EPG5: variants seen among roughly 807,000 people sequenced by gnomAD.
EPG5 encodes the protein ectopic P-granules 5 autophagy tethering factor.
EPG5 carries 159 observed loss-of-function variants against 302.7 expected under a neutral mutation model. The observed-to-expected ratio is 0.53, with a 90% CI of 0.46 to 0.60. EPG5 has a LOEUF of 0.60. EPG5 is among the 20% of genes least tolerant of loss of function. The pLI is 0.00. For synonymous variants in EPG5, 1,158 were observed against 1,136.8 expected (o/e 1.02, Z -0.37); for missense variants, 2,896 against 3,092.4 (o/e 0.94, Z 1.51).
chr18:45,855,832 AT>A, intron 42 of EPG5, 145 bp from the exon 43 acceptor site: 3 of 613,166 alleles, frequency 4.9e-6, no homozygotes, highest in Non-Finnish European at 8.8e-6. Context: ...AATCTTAAAT[AT>A]GATCAAGAAG....
chr18:45,873,471 C>T (rs1228359113), intron 35 of EPG5, among the ~76,000 whole-genome samples: 4 of 151,226 alleles, frequency 2.6e-5, no homozygotes, highest in Non-Finnish European at 4.4e-5. Context: ...GATCCTGCCA[C>T]TGCACTCCAG....
intron 39 of EPG5, among the ~76,000 whole-genome samples, 166 bp from the exon 40 acceptor site, chr18:45,860,512 G>T (rs1229995404): frequency 6.6e-6 from 1 of 152,230 alleles, no homozygotes; most frequent in African/African-American, 2.4e-5. Flanking sequence ...TGTTAAGTTT[G>T]TACAGGTAGT....
rs1274073919 is a variant in EPG5 at position 45,852,615 on chromosome 18, T to C, written c.7592A>G (p.Lys2531Arg). ...LNALESMASSKQYVEYQDQIL... is the reference protein window; with the variant it reads ...LNALESMASSRQYVEYQDQIL... Reference sequence around the variant, plus strand: ...TTGATCCTGGTATTCAACATACTGCTTACTTGATGCCATGGATTCAAGAGC... The same window carrying C: ...TTGATCCTGGTATTCAACATACTGCCTACTTGATGCCATGGATTCAAGAGC... Residue 2531 changes from lysine (K) to arginine (R), a missense_variant, in exon 44 of 44, where the codon AAG (lysine) becomes AGG (arginine). By Grantham distance (26) the Lys-to-Arg change is conservative (BLOSUM62 2). Around this residue, in one of 5 missense-constraint regions of EPG5, gnomAD observed 620 missense variants for 704.2 expected, o/e 0.88. Coordinates refer to ENST00000282041, the MANE Select transcript of EPG5 (RefSeq NM_020964.3). The C allele has an allele frequency of 1.2e-6, 2 of 1,614,184 alleles. No homozygotes were observed.
At position 45,955,661 on chromosome 18, in the gene EPG5, G is replaced by A. The variant is rs74498242; in HGVS notation, c.64-323C>T. Among the ~76,000 whole-genome samples the A allele has an allele frequency of 0.12, 18,516 of 152,078 alleles. 1,591 individuals are homozygous for A. Among genetic ancestry groups the A allele is most frequent in the East Asian group, 0.29 (1,497 of 5,172 alleles). On this transcript the variant is annotated intron_variant, in intron 1 of 43. Coordinates refer to ENST00000282041, the MANE Select transcript of EPG5 (RefSeq NM_020964.3). ...ATTAGATTGTACACCATTTTGCCAG[G>A]GGTTAAGTTAAATAGATCAGTCTCT...
At chr18:45,824,648 G>A in the EPG5 span, among the ~76,000 whole-genome samples, 1 of 152,220 alleles carries the variant, frequency 6.6e-6, no homozygotes, top group African/African-American at 2.4e-5. Context: ...CCTGAGCCAA[G>A]GCACGGCCAA....
chr18:45,940,253 G>A (rs2050633239), intron 9 of EPG5, among the ~76,000 whole-genome samples: 1 of 152,244 alleles, frequency 6.6e-6, no homozygotes, highest in South Asian at 2.1e-4. Flanking sequence ...CCAATGTGCT[G>A]AGAGGTAGAC....
At chr18:45,932,821 C>T (rs2050425200) in intron 11 of EPG5, among the ~76,000 whole-genome samples, 3 of 152,070 alleles carry the variant, frequency 2.0e-5, no homozygotes, top group Admixed American at 2.0e-4. Context: ...GATAAAAGTG[C>T]CGTGGAAGCC....
At chr18:45,825,147 G>T in the EPG5 span, among the ~76,000 whole-genome samples, 2 of 132,002 alleles carry the variant, frequency 1.5e-5, no homozygotes, top group Non-Finnish European at 1.6e-5. Context: ...GGGAGGGAGG[G>T]AGGGAAGGAA....
intron 30 of EPG5, among the ~76,000 whole-genome samples, 196 bp downstream of exon 30, chr18:45,884,421 G>A (rs916630184): frequency 1.3e-5 from 2 of 152,150 alleles, no homozygotes; most frequent in Non-Finnish European, 2.9e-5. Flanking sequence ...TGCTATACAA[G>A]ACAACCAATG....
chr18:45,891,621 G>A (rs1264460642), intron 27 of EPG5, among the ~76,000 whole-genome samples: 2 of 151,616 alleles, frequency 1.3e-5, no homozygotes, highest in Non-Finnish European at 2.9e-5. Context: ...TTATGACTGT[G>A]ATAATAATAA....
At chr18:45,855,279 T>C (rs2048491295) in intron 43 of EPG5, 1 of 230,830 alleles carries the variant, frequency 4.3e-6, no homozygotes, top group South Asian at 1.2e-4. Context: ...AGCCCAAGCA[T>C]GTGGTAGATA....
intron 40 of EPG5, among the ~76,000 whole-genome samples, chr18:45,859,229 T>C (rs1429869444): frequency 1.3e-5 from 2 of 152,266 alleles, no homozygotes; most frequent in Admixed American, 1.3e-4. Flanking sequence ...GTTTTACTTA[T>C]CAAAGCTTAG....
chr18:45,889,080 A>G (rs1391617296), intron 28 of EPG5, among the ~76,000 whole-genome samples: 1 of 152,124 alleles, frequency 6.6e-6, no homozygotes, highest in African/African-American at 2.4e-5. Flanking sequence ...CCTCCTTCCC[A>G]GGAGCCCCAG....
intron 27 of EPG5, among the ~76,000 whole-genome samples, chr18:45,890,862 G>C (rs552452897): frequency 1.4e-4 from 21 of 152,274 alleles, no homozygotes; most frequent in Admixed American, 1.3e-3. Flanking sequence ...GGGTTGCAGA[G>C]TGCAGTAAAA....
the EPG5 span, among the ~76,000 whole-genome samples, chr18:45,819,427 G>C: frequency 6.6e-6 from 1 of 152,154 alleles, no homozygotes; most frequent in Non-Finnish European, 1.5e-5. Context: ...TTGAAGTACT[G>C]AGAGGAGGAA....
chr18:45,832,765 C>T, the EPG5 span, among the ~76,000 whole-genome samples: 1 of 152,150 alleles, frequency 6.6e-6, no homozygotes, highest in Non-Finnish European at 1.5e-5. Context: ...GCATAAGCTG[C>T]CAGAGGGAAT....
Position 45,889,835 on chromosome 18 carries a change from T to A in EPG5, c.4915A>T (p.Ile1639Phe). The change falls in exon 28 of 44, where the codon ATT becomes TTT. Residue 1639 changes from isoleucine (I) to phenylalanine (F), a missense_variant. Ile to Phe is a conservative substitution (Grantham distance 21, BLOSUM62 0). Coordinates refer to ENST00000282041, the MANE Select transcript of EPG5 (RefSeq NM_020964.3). ...TCTGCATGTACAGCAGCTTCCACAA[T>A]ATTAAGTGATGGTGGTTTAGCAGCT... The part of the protein sequence containing the change: ...AEAAKPPSLN[I>F]VEAAVHAENL... The A allele has an allele frequency of 6.2e-7, 1 of 1,612,058 alleles. No homozygotes were observed. Among genetic ancestry groups the A allele is most frequent in the Non-Finnish European group, 8.5e-7 (1 of 1,179,144 alleles).
chr18:45,868,282 C>G (rs1204368516), intron 36 of EPG5, among the ~76,000 whole-genome samples: 1 of 151,704 alleles, frequency 6.6e-6, no homozygotes. Flanking sequence ...AGGGACCACA[C>G]TACTTTGAGA....
At chr18:45,888,829 A>T (rs2049273986) in intron 28 of EPG5, among the ~76,000 whole-genome samples, 1 of 152,224 alleles carries the variant, frequency 6.6e-6, no homozygotes, top group African/African-American at 2.4e-5. Flanking sequence ...CTTATTAAAA[A>T]TGTTCATATT....
Sources: gnomAD v4.1 joint callset for allele counts (sites outside exome capture counted in the v4.1 genomes callset) on GRCh38, gnomAD v4.1.1 for gene constraint, gnomAD v4.1.1 regional missense constraint, MANE v1.5 for transcripts, NCBI Gene and HGNC (gene_info 2026-07-23, HGNC 2026-07-21) for gene names.